Variants in NCAPG observed in about 807,000 individuals in gnomAD.
The protein encoded by NCAPG is condensin complex subunit 3.
Under a neutral mutation model 113.1 loss-of-function variants are expected in NCAPG, and 69 were observed. The observed-to-expected ratio is 0.61, with a 90% confidence interval of 0.50 to 0.75. The LOEUF (loss-of-function observed/expected upper bound fraction) is 0.75, where lower values mean the gene tolerates loss of function less well. Ranked by LOEUF, NCAPG falls within the 30% of genes least tolerant of loss-of-function variation. The pLI, the probability that NCAPG is intolerant of heterozygous loss-of-function variation, is 0.00. For missense variants in NCAPG, 1,058 were observed against 1,177.0 expected, an observed-to-expected ratio of 0.90 and a Z score of 1.48; for synonymous variants, 370 against 415.8, an observed-to-expected ratio of 0.89 and a Z score of 1.34.
intron 11 of NCAPG, among the ~76,000 whole-genome samples, chr4:17,827,804 AC>A (rs1385347353): frequency 5.7e-5 from 8 of 140,354 alleles, no homozygotes; most frequent in Non-Finnish European, 1.1e-4. Flanking sequence ...TGAAGATTAG[AC>A]TTTTTTTTTT....
At position 17,842,392 on chromosome 4, in the gene NCAPG, T is replaced by C; in HGVS notation, c.2924+13T>C. On this transcript the variant is annotated intron_variant, in intron 20 of 20. Coordinates refer to ENST00000251496, the MANE Select transcript of NCAPG (RefSeq NM_022346.5). The stretch of plus-strand genomic sequence containing the variant: ...CCGACTCTGAAAGGTATGTCATGCA[T>C]GTCTAGAATATATGGAGGCCTATCT... The C allele has an allele frequency of 1.2e-6, 2 of 1,608,490 alleles. No homozygotes were observed. Among genetic ancestry groups the C allele is most frequent in the Non-Finnish European group, 1.7e-6 (2 of 1,175,360 alleles).
chr4:17,825,490 T>G lies in NCAPG; in HGVS notation c.1582T>G (p.Leu528Val). ...ASELKEEIKALEDARINLLKE... is the reference protein window; with the variant it reads ...ASELKEEIKAVEDARINLLKE... ...AGAATTAAAAGAAGAAATAAAAGCA[T>G]TAGAAGATGCCAGAATAAACCTTTT... Residue 528 changes from leucine to valine, a missense_variant, in exon 11 of 21, where the codon TTA becomes GTA. Leu to Val is a conservative substitution (Grantham distance 32). Transcript: ENST00000251496. 1 of 1,609,976 alleles carries G rather than the reference T, an allele frequency of 6.2e-7. No homozygotes were observed. The highest frequency in any genetic ancestry group is 8.5e-7 in the Non-Finnish European group (1 of 1,178,548).
intron 20 of NCAPG, 154 bp downstream of exon 20, chr4:17,842,533 A>G (rs1352476980): frequency 2.7e-5 from 17 of 618,264 alleles, no homozygotes; most frequent in Non-Finnish European, 4.6e-5. Flanking sequence ...CTAAAATTCC[A>G]TCATCAAGAG....
chr4:17,828,903 G>A (rs1577341600), intron 12 of NCAPG, among the ~76,000 whole-genome samples: 1 of 150,090 alleles, frequency 6.7e-6, no homozygotes, highest in South Asian at 2.1e-4. Flanking sequence ...ACATTTTTTA[G>A]TAGCCACATT....
intron 7 of NCAPG, among the ~76,000 whole-genome samples, chr4:17,819,307 G>T (rs146756651): frequency 1.3e-5 from 2 of 151,978 alleles, no homozygotes; most frequent in Admixed American, 1.3e-4. Context: ...TGGGATTTTT[G>T]GGGGTTAATT....
In NCAPG at chr4:17,814,912, T is replaced by C; in HGVS notation, c.604T>C (p.Cys202Arg). 1 of 1,614,234 alleles carries C rather than the reference T, an allele frequency of 6.2e-7. No individual in the cohort carries two copies. Among genetic ancestry groups the C allele is most frequent in the Non-Finnish European group, 8.5e-7 (1 of 1,180,030 alleles). The change falls in exon 4 of 21, where the codon TGT (cysteine) becomes CGT (arginine). Residue 202 changes from cysteine to arginine, a missense_variant. By Grantham distance (180) the Cys-to-Arg change is radical. Coordinates refer to ENST00000251496, the MANE Select transcript of NCAPG (RefSeq NM_022346.5). ...AGAAGTTAGACGGGCAGTGTTATCA[T>C]GTATTGCACCATCAGCAAAGACTTT... ...NPEVRRAVLSCIAPSAKTLPK... is the reference protein window; with the variant it reads ...NPEVRRAVLSRIAPSAKTLPK...
chr4:17,812,037 G>T (rs545092399), intron 1 of NCAPG, among the ~76,000 whole-genome samples, 184 bp from the exon 2 acceptor site: 1 of 152,292 alleles, frequency 6.6e-6, no homozygotes, highest in East Asian at 1.9e-4. Context: ...TCCCATTATA[G>T]CCTGGAGAGA....
chr4:17,812,472 C>G, intron 2 of NCAPG, 48 bp downstream of exon 2: 1 of 1,481,666 alleles, frequency 6.7e-7, no homozygotes, highest in Non-Finnish European at 9.4e-7. Flanking sequence ...AAAATTTTGC[C>G]ACTTTAAAAG....
At position 17,837,154 on chromosome 4, in the gene NCAPG, G is replaced by C. The variant is rs192486914; in HGVS notation, c.2110-5G>C. 1.9e-6 allele frequency: 3 copies of C among 1,611,088 alleles called. No homozygotes were observed. In the African/African-American group the frequency reaches 4.0e-5, roughly 22 times the overall value. On this transcript the variant is annotated splice_polypyrimidine_tract_variant and splice_region_variant and intron_variant, in intron 14 of 20. Transcript: ENST00000251496. ...ATTTCTTCTAATGAATGTCATCTTT[G>C]TTAGGTATCTGAACTTAGGACTGGA...
intron 10 of NCAPG, 76 bp downstream of exon 10, chr4:17,825,133 A>T: frequency 9.2e-7 from 1 of 1,088,102 alleles, no homozygotes; most frequent in Non-Finnish European, 1.4e-6. Flanking sequence ...CTTGCTGTGC[A>T]GTTCTGAAAT....
At chr4:17,829,175 G>C (rs546205134) in intron 12 of NCAPG, among the ~76,000 whole-genome samples, 64 of 152,230 alleles carry the variant, frequency 4.2e-4, no homozygotes, top group Admixed American at 9.8e-4. Context: ...TACAGTATTA[G>C]TGCGCTGTTT....
intron 16 of NCAPG, among the ~76,000 whole-genome samples, chr4:17,838,729 A>G (rs758643567): frequency 6.6e-6 from 1 of 152,180 alleles, no homozygotes; most frequent in African/African-American, 2.4e-5. Context: ...GGTAGATTAT[A>G]GATTGCTTTA....
chr4:17,823,653 A>C lies in NCAPG; in HGVS notation c.1266A>C (p.Lys422Asn), dbSNP rs754823722. 7 of 1,605,414 alleles carry C rather than the reference A, an allele frequency of 4.4e-6. No homozygotes were observed. Among genetic ancestry groups the C allele is most frequent in the Admixed American group, 1.7e-5 (1 of 57,822 alleles). ...LDTSEEGGRK[K>N]LLAVLQEILI... ...TAGTTCTTTTTGACTGCAGAAAAAA[A>C]CTGCTGGCTGTTTTACAGGAGATTC... The change falls in exon 9 of 21, where the codon AAA becomes AAC. Residue 422 changes from lysine to asparagine, a missense_variant. Coordinates refer to ENST00000251496, the MANE Select transcript of NCAPG (RefSeq NM_022346.5).
At chr4:17,842,558 C>G in intron 20 of NCAPG, 179 bp downstream of exon 20, 1 of 553,196 alleles carries the variant, frequency 1.8e-6, no homozygotes. Flanking sequence ...TGACTTCTTA[C>G]GGCGTGTTTG....
At position 17,813,061 on chromosome 4, in the gene NCAPG, A is replaced by G. The variant is rs767264301; in HGVS notation, c.460A>G (p.Lys154Glu). 1.2e-6 allele frequency: 2 copies of G among 1,614,090 alleles called. No homozygotes were observed. The highest frequency in any genetic ancestry group is 1.7e-6 in the Non-Finnish European group (2 of 1,179,946). Residue 154 changes from lysine (K) to glutamate (E), a missense_variant, in exon 3 of 21, where the codon AAG (lysine) becomes GAG (glutamate). Coordinates refer to ENST00000251496, the MANE Select transcript of NCAPG (RefSeq NM_022346.5). Reference protein sequence around the residue: ...NKAMLIRLKDKIPNVRIQAVL... With the variant: ...NKAMLIRLKDEIPNVRIQAVL... ...AGCCATGCTTATTAGATTGAAAGAT[A>G]AGATTCCAAATGTGAGAATACAGGC...
Position 17,839,728 on chromosome 4 carries a change from C to A in NCAPG, c.2519C>A (p.Thr840Lys). The change falls in exon 17 of 21, where the codon ACA (threonine) becomes AAA (lysine). Residue 840 changes from threonine (T) to lysine (K), a missense_variant. By Grantham distance (78) the Thr-to-Lys change is moderately conservative. Coordinates refer to ENST00000251496, the MANE Select transcript of NCAPG (RefSeq NM_022346.5). ...ATGAAAATTTGCAATGAGATCTTAA[C>A]AAGTCCGTGCTCGCCAGAAATTCGA... ...LAMKICNEIL[T>K]SPCSPEIRVY... 1 of 1,580,298 alleles carries A rather than the reference C, an allele frequency of 6.3e-7. No individual in the cohort carries two copies. The highest frequency in any genetic ancestry group is 2.3e-5 in the East Asian group (1 of 43,920).
Position 17,837,722 on chromosome 4 carries a change from C to CA in NCAPG, c.2390dup (p.Asn797LysfsTer4), listed in dbSNP as rs1276556334. On this transcript the variant is annotated frameshift_variant, in exon 16 of 21. Coordinates refer to ENST00000251496, the MANE Select transcript of NCAPG (RefSeq NM_022346.5). LOFTEE classifies it high-confidence loss of function. Reference sequence around the variant, plus strand: ...TCTCCTTTAGCTGAAATTGATATCACAAATGTTGCTGAGTTACTTGTAGAT... The same window carrying CA: ...TCTCCTTTAGCTGAAATTGATATCACAAAATGTTGCTGAGTTACTTGTAGAT... The CA allele has an allele frequency of 6.2e-7, 1 of 1,613,878 alleles. No homozygotes were observed. The highest frequency in any genetic ancestry group is 8.5e-7 in the Non-Finnish European group (1 of 1,179,926).
At chr4:17,837,427 G>A (rs765499339) in intron 15 of NCAPG, 87 bp downstream of exon 15, 1 of 1,322,344 alleles carries the variant, frequency 7.6e-7, no homozygotes, top group Non-Finnish European at 1.0e-6. Flanking sequence ...ATATTTTGTT[G>A]TTGATACTTT....
chr4:17,841,715 C>T (rs1722424662), intron 19 of NCAPG: 1 of 151,908 alleles, frequency 6.6e-6, no homozygotes, highest in South Asian at 2.1e-4. Flanking sequence ...CAAACTTTGT[C>T]TTACTCCTTA....
Sources: allele counts gnomAD v4.1 joint callset (sites outside exome capture counted in the v4.1 genomes callset), GRCh38; gene constraint gnomAD v4.1.1; transcripts MANE v1.5; gene names NCBI Gene and HGNC (gene_info 2026-07-23, HGNC 2026-07-21).